Variants in RBFOX3 observed in about 807,000 individuals in gnomAD.
RBFOX3 encodes the protein RNA binding fox-1 homolog 3, also known as RNA binding protein fox-1 homolog 3.
RBFOX3 carries 17 observed loss-of-function variants against 48.7 expected under a neutral mutation model. The observed-to-expected ratio is 0.35, with a 90% CI of 0.24 to 0.52. The LOEUF (loss-of-function observed/expected upper bound fraction) is 0.52. Among genes scored for constraint, RBFOX3 ranks in the 20% least tolerant of loss-of-function variants. The pLI is 0.94. For missense variants in RBFOX3, 382 were observed against 497.5 expected, an observed-to-expected ratio of 0.77 and a Z score of 2.21; for synonymous variants, 212 against 209.5, an observed-to-expected ratio of 1.01 and a Z score of -0.10.
At chr17:79,388,940 C>T (rs1043168990) in intron 2 of RBFOX3, among the ~76,000 whole-genome samples, 1 of 152,246 alleles carries the variant, frequency 6.6e-6, no homozygotes, top group Admixed American at 6.5e-5. Context: ...GCCAAGCCCT[C>T]CAATCCTTTA....
At chr17:79,210,716 G>A (rs529050510) in intron 4 of RBFOX3, among the ~76,000 whole-genome samples, 1 of 152,210 alleles carries the variant, frequency 6.6e-6, no homozygotes, top group Non-Finnish European at 1.5e-5. Flanking sequence ...GTGGAGGAGT[G>A]CCCTACCACC....
intron 1 of RBFOX3, among the ~76,000 whole-genome samples, chr17:79,502,182 A>G (rs1013764720): frequency 3.3e-5 from 5 of 152,232 alleles, no homozygotes; most frequent in South Asian, 2.1e-4. Flanking sequence ...TAGTTAAATG[A>G]AAGGGCTTTG....
chr17:79,211,630 G>A (rs1046133355), intron 4 of RBFOX3, among the ~76,000 whole-genome samples: 4 of 152,132 alleles, frequency 2.6e-5, no homozygotes, highest in South Asian at 2.1e-4. Context: ...TCAGACTCCG[G>A]GGGGCTGGAC....
chr17:79,370,631 C>G (rs1337158260), intron 2 of RBFOX3, among the ~76,000 whole-genome samples: 1 of 79,838 alleles, frequency 1.3e-5, no homozygotes, highest in African/African-American at 3.3e-5. Context: ...GTCACATACA[C>G]TAACATACAT....
intron 1 of RBFOX3, among the ~76,000 whole-genome samples, chr17:79,496,619 A>T (rs999368654): frequency 6.6e-6 from 1 of 152,220 alleles, no homozygotes; most frequent in South Asian, 2.1e-4. Context: ...GGCCACCTTG[A>T]GGACAGGAGG....
intron 2 of RBFOX3, among the ~76,000 whole-genome samples, chr17:79,358,107 A>G (rs2085568261): frequency 6.6e-6 from 1 of 151,992 alleles, no homozygotes; most frequent in Admixed American, 6.6e-5. Context: ...CCACCAGCCT[A>G]GCTAATTTTT....
At chr17:79,617,613 G>A in the RBFOX3 span, among the ~76,000 whole-genome samples, 3 of 152,150 alleles carry the variant, frequency 2.0e-5, no homozygotes, top group South Asian at 2.1e-4. Context: ...GAGGTTGCAC[G>A]TCAGCATCTC....
chr17:79,534,200 G>A (rs556968905), intron 1 of RBFOX3, among the ~76,000 whole-genome samples: 8 of 152,166 alleles, frequency 5.3e-5, no homozygotes, highest in Non-Finnish European at 1.0e-4. Flanking sequence ...AGTGAAAAAC[G>A]AAAATGTCAT....
At chr17:79,329,762 C>T (rs2079931378) in intron 2 of RBFOX3, among the ~76,000 whole-genome samples, 1 of 152,194 alleles carries the variant, frequency 6.6e-6, no homozygotes, top group African/African-American at 2.4e-5. Flanking sequence ...CCCTCGCTCT[C>T]CCAGGAGATC....
intron 2 of RBFOX3, among the ~76,000 whole-genome samples, chr17:79,346,564 A>G: frequency 6.6e-6 from 1 of 152,196 alleles, no homozygotes; most frequent in Non-Finnish European, 1.5e-5. Flanking sequence ...TCTGCTCCTC[A>G]GAGGGGTTCT....
At position 79,252,162 on chromosome 17, in the gene RBFOX3, TG is replaced by T. The variant is rs2064061297; in HGVS notation, c.-73-16358del. 6.6e-6 allele frequency among the ~76,000 whole-genome samples: 1 copy of T among 152,166 alleles called. No individual in the cohort carries two copies. The highest frequency in any genetic ancestry group is 1.9e-4 in the East Asian group (1 of 5,172). On this transcript the variant is annotated intron_variant, in intron 3 of 14. Coordinates refer to ENST00000693108, the MANE Select transcript of RBFOX3 (RefSeq NM_001350451.2). The surrounding 1 kb of genome is among the most constrained non-coding windows in gnomAD (Gnocchi z 4.0). ...CTCCTGCCTTTGCCTAGTGGGTAAC[TG>T]GGCATTGCAGGGCCCCTTCTCCTTC... is the stretch of plus-strand genomic sequence containing the variant.
At chr17:79,520,728 G>A (rs1039333321) in intron 1 of RBFOX3, among the ~76,000 whole-genome samples, 4 of 152,224 alleles carry the variant, frequency 2.6e-5, no homozygotes, top group African/African-American at 7.2e-5. Flanking sequence ...ACAAGGGTGG[G>A]GTTCGTGTTG....
At chr17:79,513,014 C>T (rs2084675887) in intron 1 of RBFOX3, among the ~76,000 whole-genome samples, 1 of 150,026 alleles carries the variant, frequency 6.7e-6, no homozygotes, top group African/African-American at 2.5e-5. Context: ...GGCCAGGGGA[C>T]ACCCACCCGG....
chr17:79,658,136 T>C, the RBFOX3 span, among the ~76,000 whole-genome samples: 3,078 of 152,156 alleles, frequency 0.02, 96 homozygotes, highest in African/African-American at 0.07. Flanking sequence ...TTTGCTACTA[T>C]AAAAGGGAAG....
intron 4 of RBFOX3, among the ~76,000 whole-genome samples, chr17:79,163,719 G>A (rs2047434827): frequency 6.6e-6 from 1 of 150,422 alleles, no homozygotes; most frequent in African/African-American, 2.4e-5. Flanking sequence ...CTTCCCTCCT[G>A]GCTGATGCGG....
At chr17:79,527,479 C>T (rs1399026509) in intron 1 of RBFOX3, among the ~76,000 whole-genome samples, 1 of 152,244 alleles carries the variant, frequency 6.6e-6, no homozygotes, top group Admixed American at 6.5e-5. Flanking sequence ...ACTCGATGGG[C>T]TTTGTGCCCT....
intron 3 of RBFOX3, among the ~76,000 whole-genome samples, chr17:79,245,174 G>A (rs1230334443): frequency 1.3e-5 from 2 of 151,896 alleles, no homozygotes; most frequent in Admixed American, 6.6e-5. Context: ...TCAGGCTCAA[G>A]TGATCCTCCC....
rs8067111 is a variant in RBFOX3 at position 79,252,917 on chromosome 17, C to T, written c.-73-17112G>A. 0.36 allele frequency among the ~76,000 whole-genome samples: 54,124 copies of T among 151,758 alleles called. 10,147 individuals carry two copies. Among genetic ancestry groups the T allele is most frequent in the South Asian group, 0.42 (2,010 of 4,794 alleles). Reference sequence around the variant, plus strand: ...ACCCTTCCCCCTCTATCCCGCCCGGCAAGCCCCAGCCCCCTAAACCCGCAG... The same window carrying T: ...ACCCTTCCCCCTCTATCCCGCCCGGTAAGCCCCAGCCCCCTAAACCCGCAG... On this transcript the variant is annotated intron_variant, in intron 3 of 14. Transcript: ENST00000693108. This position sits in a 1 kb window ranked among gnomAD's most constrained non-coding sequence, Gnocchi z 4.0.
rs936539117 is a variant in RBFOX3, at chr17:79,220,132, G to T, written c.-34+15634C>A. The stretch of plus-strand genomic sequence containing the variant: ...TGAGCTTCCCAACATTTCAGCCCCA[G>T]ATCTGCCCAGAGTGAGAAAGCAACA... On this transcript the variant is annotated intron_variant, in intron 4 of 14. Transcript: ENST00000693108. This position sits in a 1 kb window ranked among gnomAD's most constrained non-coding sequence, Gnocchi z 5.9. Among the ~76,000 whole-genome samples the T allele has an allele frequency of 6.6e-6, 1 of 152,212 alleles. No individual in the cohort carries two copies. The highest frequency in any genetic ancestry group is 6.5e-5 in the Admixed American group (1 of 15,290).
Sources: gnomAD v4.1 joint callset for allele counts (sites outside exome capture counted in the v4.1 genomes callset) on GRCh38, gnomAD v4.1.1 for gene constraint, Gnocchi (gnomAD v3.1) non-coding constraint, MANE v1.5 for transcripts, NCBI Gene and HGNC (gene_info 2026-07-23, HGNC 2026-07-21) for gene names.